The following TTC39C variants were observed in gnomAD, a reference collection of about 807,000 sequenced individuals.
TTC39C encodes tetratricopeptide repeat protein 39C.
TTC39C carries 33 observed loss-of-function variants against 76.3 expected under a neutral mutation model. The observed-to-expected ratio is 0.43, with a 90% CI of 0.33 to 0.58. The LOEUF (loss-of-function observed/expected upper bound fraction) is 0.58, where lower values mean the gene tolerates loss of function less well. Among genes scored for constraint, TTC39C ranks in the 20% least tolerant of loss-of-function variants. The probability of loss-of-function intolerance (pLI) is 0.04; values close to 1 mark genes in which losing one functional copy is unlikely to be tolerated. For missense variants in TTC39C, 595 were observed against 701.4 expected, an observed-to-expected ratio of 0.85 and a Z score of 1.71; for synonymous variants, 254 against 260.6, an observed-to-expected ratio of 0.97 and a Z score of 0.24.
chr18:24,080,687 C>T lies in TTC39C; in HGVS notation c.563C>T (p.Thr188Ile). 6.2e-7 allele frequency: 1 copy of T among 1,614,126 alleles called. No individual in the cohort carries two copies. Among genetic ancestry groups the T allele is most frequent in the South Asian group, 1.1e-5 (1 of 91,080 alleles). The change falls in exon 5 of 14, where the codon ACT becomes ATT. Residue 188 changes from threonine (T) to isoleucine (I), a missense_variant. Coordinates refer to ENST00000317571, the MANE Select transcript of TTC39C (RefSeq NM_001135993.2). ...CAGGAGCTGTATCAGAAGAAGCTAA[C>T]TGAAGAGTCCTTGACTTCTGATGCT... Reference protein sequence around the residue: ...ALQELYQKKLTEESLTSDAAN... With the variant: ...ALQELYQKKLIEESLTSDAAN...
intron 7 of TTC39C, among the ~76,000 whole-genome samples, chr18:24,115,469 A>G (rs2084879019): frequency 6.6e-6 from 1 of 152,270 alleles, no homozygotes; most frequent in African/African-American, 2.4e-5. Context: ...TAATGCTACA[A>G]GGTCACACCA....
intron 6 of TTC39C, among the ~76,000 whole-genome samples, chr18:24,101,236 G>C (rs2084669414): frequency 6.7e-6 from 1 of 150,326 alleles, no homozygotes; most frequent in Admixed American, 6.6e-5. Flanking sequence ...AATAAAGCTG[G>C]TAATAAAATC....
At chr18:24,041,744 T>G (rs1441408826) in intron 1 of TTC39C, among the ~76,000 whole-genome samples, 1 of 152,232 alleles carries the variant, frequency 6.6e-6, no homozygotes, top group Non-Finnish European at 1.5e-5. Context: ...TATACAAAAG[T>G]GCAGCATATT....
At chr18:24,101,203 T>C (rs1028180678) in intron 6 of TTC39C, among the ~76,000 whole-genome samples, 5 of 152,190 alleles carry the variant, frequency 3.3e-5, no homozygotes, top group Non-Finnish European at 7.4e-5. Context: ...AGGATGAATT[T>C]TCTGGTTTGT....
In TTC39C at chr18:24,080,794, G is replaced by A. The variant is rs1568430206; in HGVS notation, c.670G>A (p.Gly224Ser). 1.2e-6 allele frequency: 2 copies of A among 1,614,076 alleles called. No individual in the cohort carries two copies. The highest frequency in any genetic ancestry group is 1.7e-6 in the Non-Finnish European group (2 of 1,180,022). Residue 224 changes from glycine (G) to serine (S), a missense_variant, in exon 5 of 14, where the codon GGC (glycine) becomes AGC (serine). Transcript: ENST00000317571. ...GAAAGGTGCTGTTAGCTTTGGATATGGCCTTTTTCACCTTTGCATATCCAT... is the reference window on the plus strand; with the variant it reads ...GAAAGGTGCTGTTAGCTTTGGATATAGCCTTTTTCACCTTTGCATATCCAT... ...RLKGAVSFGY[G>S]LFHLCISMVP...
rs369195459 is a variant in TTC39C at position 24,135,491 on chromosome 18, C to T, written c.*2917C>T. The T allele has an allele frequency of 6.5e-6, 1 of 153,184 alleles. No individual in the cohort carries two copies. The highest frequency in any genetic ancestry group is 1.5e-5 in the Non-Finnish European group (1 of 68,174). 9.5% of individuals were successfully genotyped at this position (153,184 alleles called of 1,614,324 possible). On this transcript the variant is annotated 3_prime_UTR_variant, in exon 14 of 14. Coordinates refer to ENST00000317571, the MANE Select transcript of TTC39C (RefSeq NM_001135993.2). Reference sequence around the variant, plus strand: ...TGAGTACATTTTCTGGCCTGCGTGCCGTGACTTATCCAACCTGTGAACTGA... The same window carrying T: ...TGAGTACATTTTCTGGCCTGCGTGCTGTGACTTATCCAACCTGTGAACTGA...
chr18:24,053,191 A>G (rs1408604162), intron 1 of TTC39C, among the ~76,000 whole-genome samples: 1 of 152,232 alleles, frequency 6.6e-6, no homozygotes. Context: ...CCCTTCGAAT[A>G]AACCATTTCC....
intron 1 of TTC39C, among the ~76,000 whole-genome samples, chr18:24,061,438 G>A (rs771786190): frequency 2.0e-5 from 3 of 151,682 alleles, no homozygotes; most frequent in African/African-American, 7.3e-5. Context: ...CTTCCTCCCC[G>A]TCCATAGCAC....
At chr18:24,025,783 TC>T (rs2083592565) in intron 1 of TTC39C, among the ~76,000 whole-genome samples, 1 of 152,078 alleles carries the variant, frequency 6.6e-6, no homozygotes, top group Non-Finnish European at 1.5e-5. Flanking sequence ...TGTGGCTGAA[TC>T]CCCTAGCCTG....
At position 24,132,782 on chromosome 18, in the gene TTC39C, TGGTA is replaced by T; in HGVS notation, c.*209_*212del. 2.2e-6 allele frequency: 1 copy of T among 452,072 alleles called. No homozygotes were observed. The highest frequency in any genetic ancestry group is 3.9e-6 in the Non-Finnish European group (1 of 257,818). 28.0% of individuals were successfully genotyped at this position (452,072 alleles called of 1,614,324 possible). On this transcript the variant is annotated 3_prime_UTR_variant, in exon 14 of 14. Transcript: ENST00000317571. Reference sequence around the variant, plus strand: ...ATAATGATGTTGAGGAGGATGATGATGGTAATAATAACTAACCACCTGGGGAGAG... The same window carrying T: ...ATAATGATGTTGAGGAGGATGATGATATAATAACTAACCACCTGGGGAGAG...
intron 5 of TTC39C, among the ~76,000 whole-genome samples, chr18:24,081,273 C>A (rs4800542): frequency 0.94 from 143,755 of 152,326 alleles, 67,956 homozygotes; most frequent in Middle Eastern, 0.97. Context: ...TACAAATTTG[C>A]TAAGCTTTTT....
At chr18:24,126,328 T>C (rs1366375800) in intron 10 of TTC39C, among the ~76,000 whole-genome samples, 1 of 152,146 alleles carries the variant, frequency 6.6e-6, no homozygotes, top group Non-Finnish European at 1.5e-5. Flanking sequence ...TTCAGATTTT[T>C]CTCCAGTTAC....
intron 1 of TTC39C, among the ~76,000 whole-genome samples, chr18:24,045,916 TA>T (rs2083870881): frequency 1.0e-3 from 41 of 39,292 alleles, no homozygotes; most frequent in African/African-American, 5.0e-3. Flanking sequence ...TATATATATA[TA>T]TATATATATA....
Position 24,082,858 on chromosome 18 carries a change from G to A in TTC39C, c.816-55G>A. 7.3e-6 allele frequency: 11 copies of A among 1,504,382 alleles called. 1 individual carries two copies. In the South Asian group the frequency reaches 1.5e-4, roughly 21 times the overall value. 93.2% of individuals were successfully genotyped at this position (1,504,382 alleles called of 1,614,324 possible). On this transcript the variant is annotated intron_variant, in intron 5 of 13. Transcript: ENST00000317571. Reference sequence around the variant, plus strand: ...AACACATACTGGAGTTTTGAAAAATGGAAATGGTGTAAGGAAAGTTAATGT... The same window carrying A: ...AACACATACTGGAGTTTTGAAAAATAGAAATGGTGTAAGGAAAGTTAATGT...
intron 6 of TTC39C, among the ~76,000 whole-genome samples, chr18:24,093,497 A>T (rs2084552688): frequency 6.8e-6 from 1 of 147,614 alleles, no homozygotes; most frequent in Non-Finnish European, 1.5e-5. Flanking sequence ...AAAAAAAAGT[A>T]TTGAGAGTGT....
intron 7 of TTC39C, among the ~76,000 whole-genome samples, chr18:24,117,293 C>A (rs551141391): frequency 3.9e-5 from 6 of 152,110 alleles, no homozygotes; most frequent in Non-Finnish European, 8.8e-5. Flanking sequence ...TACTAGAATG[C>A]CCATTTAACT....
At chr18:24,024,483 C>G (rs1182449711) in intron 1 of TTC39C, among the ~76,000 whole-genome samples, 1 of 152,132 alleles carries the variant, frequency 6.6e-6, no homozygotes, top group East Asian at 1.9e-4. Context: ...AAGGAAGTAA[C>G]AGACTAAATT....
At chr18:24,105,376 G>T (rs1419698504) in intron 6 of TTC39C, among the ~76,000 whole-genome samples, 1 of 152,188 alleles carries the variant, frequency 6.6e-6, no homozygotes, top group East Asian at 1.9e-4. Flanking sequence ...ATGGATAGTT[G>T]ATAAAATCTT....
Position 24,048,581 on chromosome 18 carries a change from A to C in TTC39C, c.168-15559A>C, listed in dbSNP as rs887771493. Reference sequence around the variant, plus strand: ...CATGGTAAGTATTTGAGATAAATGTATATTTTTGGTTAAAACATGTAACTT... The same window carrying C: ...CATGGTAAGTATTTGAGATAAATGTCTATTTTTGGTTAAAACATGTAACTT... On this transcript the variant is annotated intron_variant, in intron 1 of 13. Coordinates refer to ENST00000317571, the MANE Select transcript of TTC39C (RefSeq NM_001135993.2). Among the ~76,000 whole-genome samples, 11 of 152,238 alleles carry C rather than the reference A, an allele frequency of 7.2e-5. No individual in the cohort carries two copies. The East Asian group carries it at 2.1e-3, about 29-fold the overall frequency.
Sources: gnomAD v4.1 joint callset for allele counts (sites outside exome capture counted in the v4.1 genomes callset) on GRCh38, gnomAD v4.1.1 for gene constraint, MANE v1.5 for transcripts, NCBI Gene and HGNC (gene_info 2026-07-23, HGNC 2026-07-21) for gene names.